The following MECOM variants were observed in gnomAD, a reference collection of about 807,000 sequenced individuals.
The protein encoded by MECOM is MDS1 and EVI1 complex locus, also known as histone-lysine N-methyltransferase MECOM.
MECOM carries 13 observed loss-of-function variants against 116.3 expected under a neutral mutation model. That is an observed-to-expected ratio of 0.11 (90% CI 0.07 to 0.18). MECOM has a LOEUF of 0.18. MECOM is among the 10% of genes least tolerant of loss of function. The pLI is 1.00. For missense variants in MECOM, 1,299 were observed against 1,509.0 expected (o/e 0.86, Z 2.31); for synonymous variants, 528 against 535.2 (o/e 0.99, Z 0.19).
chr3:169,217,236 A>C (rs1005198775), intron 2 of MECOM, among the ~76,000 whole-genome samples: 1 of 152,168 alleles, frequency 6.6e-6, no homozygotes, highest in African/African-American at 2.4e-5. Flanking sequence ...TCTTGCCTGC[A>C]TACATGAACT....
intron 2 of MECOM, among the ~76,000 whole-genome samples, chr3:169,183,757 TACATACAC>T (rs1404611193): frequency 0.031 from 2,636 of 84,338 alleles, 30 homozygotes; most frequent in Middle Eastern, 0.066. Flanking sequence ...AGAAGATACA[TACATACAC>T]ACACACACAC....
At chr3:169,472,559 AGAGGAGAGG>A (rs1560318337) in intron 1 of MECOM, among the ~76,000 whole-genome samples, 80 of 64,908 alleles carry the variant, frequency 1.2e-3, no homozygotes, top group South Asian at 3.5e-3. Flanking sequence ...AAAAGAAAAG[AGAGGAGAGG>A]AGAGGAGAGG....
chr3:169,457,359 C>G (rs1746702558), intron 1 of MECOM, among the ~76,000 whole-genome samples: 1 of 152,116 alleles, frequency 6.6e-6, no homozygotes, highest in South Asian at 2.1e-4. Flanking sequence ...GCTCTCTGTT[C>G]AGAAACTCGG....
chr3:169,167,102 G>A (rs1743712452), intron 2 of MECOM, among the ~76,000 whole-genome samples: 1 of 152,096 alleles, frequency 6.6e-6, no homozygotes, highest in Non-Finnish European at 1.5e-5. Context: ...AGCCTCCCAA[G>A]TAGCCGAAAC....
chr3:169,477,103 G>GTATATA (rs1235414327), intron 1 of MECOM: 10 of 56,228 alleles, frequency 1.8e-4, no homozygotes, highest in African/African-American at 5.1e-4. Context: ...GTGTGTGTGT[G>GTATATA]TGTATATATA....
At chr3:169,621,020 C>G (rs1004736584) in intron 1 of MECOM, among the ~76,000 whole-genome samples, 3 of 152,184 alleles carry the variant, frequency 2.0e-5, no homozygotes, top group Non-Finnish European at 4.4e-5. Flanking sequence ...CTTCACATTT[C>G]TAATCAATAA....
intron 2 of MECOM, among the ~76,000 whole-genome samples, chr3:169,357,744 G>C (rs1727509161): frequency 6.6e-6 from 1 of 151,138 alleles, no homozygotes; most frequent in Non-Finnish European, 1.5e-5. Context: ...AAAACCATTA[G>C]GTAAAAGGAG....
chr3:169,551,374 A>T (rs1340018607), intron 1 of MECOM, among the ~76,000 whole-genome samples: 1 of 138,074 alleles, frequency 7.2e-6, no homozygotes, highest in Non-Finnish European at 1.6e-5. Context: ...TCTACACTTT[A>T]AAAAAAAAAA....
In MECOM at chr3:169,221,103, C is replaced by T. The variant is rs113066262; in HGVS notation, c.376-77271G>A. Among the ~76,000 whole-genome samples the T allele has an allele frequency of 3.6e-3, 553 of 152,314 alleles. 1 individual carries two copies. Among genetic ancestry groups the T allele is most frequent in the Non-Finnish European group, 5.4e-3 (369 of 68,018 alleles). ...TGCATAACCTTAAGCAAGCTACTTA[C>T]ACTCTCTTCTTTTTCTCATCTGTAA... On this transcript the variant is annotated intron_variant, in intron 2 of 16. Transcript: ENST00000651503.
chr3:169,140,063 A>AAG (rs1737642829), intron 3 of MECOM, among the ~76,000 whole-genome samples: 2 of 151,376 alleles, frequency 1.3e-5, no homozygotes, highest in South Asian at 2.1e-4. Flanking sequence ...ATGAAAAAAA[A>AAG]ACATTTTTAT....
At chr3:169,482,165 TA>T (rs112240388) in intron 1 of MECOM, among the ~76,000 whole-genome samples, 9 of 151,622 alleles carry the variant, frequency 5.9e-5, no homozygotes, top group African/African-American at 1.2e-4. Context: ...AAAAAGCAAC[TA>T]AAAAAAAGGG....
At chr3:169,489,470 C>T (rs547006873) in intron 1 of MECOM, among the ~76,000 whole-genome samples, 2 of 152,120 alleles carry the variant, frequency 1.3e-5, no homozygotes, top group Non-Finnish European at 2.9e-5. Flanking sequence ...AGAGATTTGG[C>T]TTACAGATAT....
intron 2 of MECOM, among the ~76,000 whole-genome samples, chr3:169,311,033 T>C (rs1313325254): frequency 1.3e-5 from 2 of 152,192 alleles, no homozygotes; most frequent in Non-Finnish European, 2.9e-5. Flanking sequence ...GGAAAACAGG[T>C]ATTACATTTT....
chr3:169,112,425 G>T (rs1231390538), intron 9 of MECOM, among the ~76,000 whole-genome samples: 1 of 152,090 alleles, frequency 6.6e-6, no homozygotes, highest in African/African-American at 2.4e-5. Flanking sequence ...TGACCTTCAT[G>T]AGTATGGGAC....
At position 169,378,559 on chromosome 3, in the gene MECOM, AAAG is replaced by A. The variant is rs1731805966; in HGVS notation, c.375+2625_375+2627del. Among the ~76,000 whole-genome samples, 3 of 137,804 alleles carry A rather than the reference AAAG, an allele frequency of 2.2e-5. 1 individual carries two copies. The highest frequency in any genetic ancestry group is 4.7e-5 in the Non-Finnish European group (3 of 63,512). 90.4% of individuals were successfully genotyped at this position (137,804 alleles called of 152,430 possible). A position where few individuals can be genotyped will look rare whatever the true frequency, so the allele number is the denominator to read the frequency against. On this transcript the variant is annotated intron_variant, in intron 2 of 16. Transcript: ENST00000651503. ...GAAAGAAAGAAAGAAAGAAAGAAAG[AAAG>A]AAAGAAAGAAAGAAAGAAAGAAAGT...
intron 1 of MECOM, among the ~76,000 whole-genome samples, chr3:169,496,380 T>C (rs1381368173): frequency 1.3e-5 from 2 of 152,262 alleles, no homozygotes; most frequent in Non-Finnish European, 2.9e-5. Context: ...TTGTGGTGTT[T>C]GTAACCTAAA....
intron 2 of MECOM, among the ~76,000 whole-genome samples, chr3:169,259,211 G>A (rs759705461): frequency 3.9e-5 from 6 of 152,056 alleles, no homozygotes; most frequent in Non-Finnish European, 8.8e-5. Context: ...TTTAAGTGTG[G>A]ATTGTTTTCT....
chr3:169,490,569 ATGT>A (rs371045527), intron 1 of MECOM, among the ~76,000 whole-genome samples: 20 of 152,350 alleles, frequency 1.3e-4, no homozygotes, highest in African/African-American at 4.1e-4. Context: ...CAAATACAAG[ATGT>A]TGAGTAAAAA....
At chr3:169,605,013 T>G (rs188153888) in intron 1 of MECOM, among the ~76,000 whole-genome samples, 5 of 152,314 alleles carry the variant, frequency 3.3e-5, no homozygotes, top group Admixed American at 1.3e-4. Flanking sequence ...GAAATGCTGG[T>G]CTTTGTTTAT....
Sources: gnomAD v4.1 joint callset for allele counts (sites outside exome capture counted in the v4.1 genomes callset) on GRCh38, gnomAD v4.1.1 for gene constraint, MANE v1.5 for transcripts, NCBI Gene and HGNC (gene_info 2026-07-23, HGNC 2026-07-21) for gene names.